SLC4A5: variants seen among roughly 807,000 people sequenced by gnomAD.
SLC4A5 encodes electrogenic sodium bicarbonate cotransporter 4.
In SLC4A5, 96 loss-of-function variants were observed where a neutral mutation model predicts 120.4. That is an observed-to-expected ratio of 0.80 (90% CI 0.68 to 0.94). The LOEUF (loss-of-function observed/expected upper bound fraction) is 0.94, where lower values mean the gene tolerates loss of function less well. Ranked by LOEUF, SLC4A5 falls within the 40% of genes least tolerant of loss-of-function variation. SLC4A5 has a pLI of 0.00. For missense variants in SLC4A5, 1,259 were observed against 1,459.5 expected, an observed-to-expected ratio of 0.86 and a Z score of 2.24; for synonymous variants, 550 against 571.1, an observed-to-expected ratio of 0.96 and a Z score of 0.53.
At chr2:74,233,651 CT>C (rs2103919200) in intron 22 of SLC4A5, 88 bp from the exon 23 acceptor site, 1 of 1,422,480 alleles carries the variant, frequency 7.0e-7, no homozygotes, top group East Asian at 2.5e-5. Flanking sequence ...ACCTCCTCAA[CT>C]TTCCCTGACT....
chr2:74,250,505 G>A, exon 17 of SLC4A5: 2 of 1,614,184 alleles, frequency 1.2e-6, no homozygotes, highest in Non-Finnish European at 1.7e-6. Flanking sequence ...CCAGACACAG[G>A]CCACCGAAGA....
intron 5 of SLC4A5, among the ~76,000 whole-genome samples, chr2:74,318,630 C>A (rs1673023897): frequency 6.6e-6 from 1 of 151,812 alleles, no homozygotes; most frequent in Admixed American, 6.6e-5. Context: ...AGGTTGCAGA[C>A]CGAGATTGTG....
At chr2:74,243,892 T>C (rs1460038369) in intron 19 of SLC4A5, among the ~76,000 whole-genome samples, 1 of 152,210 alleles carries the variant, frequency 6.6e-6, no homozygotes, top group Admixed American at 6.5e-5. Context: ...GCCAAATCAG[T>C]GTGTGCAGCA....
intron 6 of SLC4A5, among the ~76,000 whole-genome samples, chr2:74,309,148 G>A (rs1264207299): frequency 6.6e-6 from 1 of 151,682 alleles, no homozygotes; most frequent in African/African-American, 2.4e-5. Context: ...TGAACTCCTG[G>A]GCTCAAACAA....
At chr2:74,250,673 A>T in intron 16 of SLC4A5, 156 bp from the exon 17 acceptor site, 1 of 853,476 alleles carries the variant, frequency 1.2e-6, no homozygotes, top group Non-Finnish European at 1.8e-6. Flanking sequence ...AGGGCCAGGG[A>T]TGAATTCCTG....
At chr2:74,274,623 C>A (rs1671581943) in intron 8 of SLC4A5, among the ~76,000 whole-genome samples, 3 of 152,200 alleles carry the variant, frequency 2.0e-5, no homozygotes, top group Admixed American at 6.5e-5. Context: ...GGGGCACCCA[C>A]CCCGGTCCAG....
intron 28 of SLC4A5, 45 bp from the exon 29 acceptor site, chr2:74,222,997 A>C: frequency 1.5e-6 from 2 of 1,366,012 alleles, no homozygotes; most frequent in African/African-American, 1.5e-5. Context: ...CAACACAACA[A>C]TTTGGCTTTC....
At position 74,219,339 on chromosome 2, in the gene SLC4A5, C is replaced by T. The variant is rs145492069; in HGVS notation, c.*34-547G>A. Among the ~76,000 whole-genome samples, 632 of 152,164 alleles carry T rather than the reference C, an allele frequency of 4.2e-3. 5 individuals carry two copies. Among genetic ancestry groups the T allele is most frequent in the Middle Eastern group, 0.01 (3 of 294 alleles). On this transcript the variant is annotated intron_variant, in intron 30 of 30. Transcript: ENST00000394019. Reference sequence around the variant, plus strand: ...GTTTCCCTTTCTTAGATTCTCAAAACGAGGCTACTCCCTCCCTGTGTACTC... The same window carrying T: ...GTTTCCCTTTCTTAGATTCTCAAAATGAGGCTACTCCCTCCCTGTGTACTC...
intron 3 of SLC4A5, among the ~76,000 whole-genome samples, chr2:74,337,557 C>T (rs889405902): frequency 6.6e-6 from 1 of 151,974 alleles, no homozygotes; most frequent in African/African-American, 2.4e-5. Context: ...GTTTATGGGC[C>T]GAAACTGGTA....
chr2:74,335,146 G>A (rs1008663950), intron 3 of SLC4A5, among the ~76,000 whole-genome samples: 3 of 152,188 alleles, frequency 2.0e-5, no homozygotes, highest in Non-Finnish European at 4.4e-5. Context: ...TACAGATGAG[G>A]AAACCACTTC....
At chr2:74,290,702 C>T in intron 7 of SLC4A5, 2 of 984,430 alleles carry the variant, frequency 2.0e-6, no homozygotes, top group Non-Finnish European at 2.4e-6. Flanking sequence ...ATCTCAGGTG[C>T]ACTAGAGAGA....
intron 7 of SLC4A5, among the ~76,000 whole-genome samples, chr2:74,287,311 G>A (rs1238014828): frequency 6.6e-6 from 1 of 152,160 alleles, no homozygotes; most frequent in African/African-American, 2.4e-5. Flanking sequence ...CTTGGGCTGG[G>A]GGATGGCTGG....
chr2:74,240,879 T>C (rs985491178), intron 20 of SLC4A5, among the ~76,000 whole-genome samples: 6 of 152,108 alleles, frequency 3.9e-5, no homozygotes, highest in African/African-American at 1.2e-4. Context: ...AGAAGCAACC[T>C]TGGAGACAGT....
chr2:74,298,491 T>C (rs977495564), intron 7 of SLC4A5, among the ~76,000 whole-genome samples: 1 of 152,238 alleles, frequency 6.6e-6, no homozygotes, highest in African/African-American at 2.4e-5. Flanking sequence ...AGGAGAAAAG[T>C]TGTTTAACAT....
At chr2:74,307,471 T>C in intron 6 of SLC4A5, 1 of 624,988 alleles carries the variant, frequency 1.6e-6, no homozygotes, top group South Asian at 1.4e-5. Context: ...AGCCCACGGA[T>C]GTCGCTCTCT....
intron 7 of SLC4A5, among the ~76,000 whole-genome samples, chr2:74,296,389 C>A (rs527589501): frequency 1.3e-5 from 2 of 152,038 alleles, no homozygotes; most frequent in Admixed American, 6.6e-5. Flanking sequence ...CTCCCCTCTT[C>A]ACCACTTCCT....
At chr2:74,230,637 T>C (rs1378031444) in intron 25 of SLC4A5, among the ~76,000 whole-genome samples, 4 of 152,142 alleles carry the variant, frequency 2.6e-5, no homozygotes, top group African/African-American at 9.7e-5. Flanking sequence ...GGCTACAACT[T>C]GGCAGAACTT....
intron 8 of SLC4A5, among the ~76,000 whole-genome samples, chr2:74,278,367 G>A (rs556813310): frequency 6.6e-5 from 10 of 152,286 alleles, no homozygotes; most frequent in South Asian, 2.1e-4. Flanking sequence ...TGGGTCAACC[G>A]CGTGATGGCC....
At chr2:74,341,857 A>C (rs966725753) in intron 2 of SLC4A5, among the ~76,000 whole-genome samples, 1 of 152,224 alleles carries the variant, frequency 6.6e-6, no homozygotes, top group African/African-American at 2.4e-5. Context: ...GAGGAAGGCT[A>C]AGACACAAAA....
Sources: gnomAD v4.1 joint callset for allele counts (sites outside exome capture counted in the v4.1 genomes callset) on GRCh38, gnomAD v4.1.1 for gene constraint, MANE v1.5 for transcripts, NCBI Gene and HGNC (gene_info 2026-07-23, HGNC 2026-07-21) for gene names.